The following ENPEP variants were observed in gnomAD, a reference collection of about 807,000 sequenced individuals.
The protein encoded by ENPEP is glutamyl aminopeptidase.
Under a neutral mutation model 114.5 loss-of-function variants are expected in ENPEP, and 103 were observed. That is an observed-to-expected ratio of 0.90 (90% CI 0.77 to 1.06). The LOEUF is 1.06. ENPEP is among the 50% of genes least tolerant of loss of function. The pLI is 0.00. For missense variants in ENPEP, 1,196 were observed against 1,161.3 expected, an observed-to-expected ratio of 1.03 and a Z score of -0.43; for synonymous variants, 420 against 422.0, an observed-to-expected ratio of 1.00 and a Z score of 0.06.
intron 3 of ENPEP, 41 bp downstream of exon 3, chr4:110,491,205 T>G: frequency 2.0e-6 from 3 of 1,536,046 alleles, no homozygotes; most frequent in Non-Finnish European, 2.6e-6. Context: ...ACCTATGCAT[T>G]TGTAATTAAT....
In ENPEP at chr4:110,560,550, T is replaced by G. The variant is rs188115375; in HGVS notation, c.2721+825T>G. On this transcript the variant is annotated intron_variant, in intron 19 of 19. Coordinates refer to ENST00000265162, the MANE Select transcript of ENPEP (RefSeq NM_001977.4). ...TAAACATAAAACAATTCAAAGAGCC[T>G]CTAAGAAAGTTTAAAAGCTGCAAAA... Among the ~76,000 whole-genome samples the G allele has an allele frequency of 2.0e-5, 3 of 152,176 alleles. No homozygotes were observed. The East Asian group carries it at 5.8e-4, about 29-fold the overall frequency.
rs1560547722 is a variant in ENPEP, at chr4:110,476,258, A to T, written c.-157A>T. On this transcript the variant is annotated 5_prime_UTR_variant, in exon 1 of 20. Coordinates refer to ENST00000265162, the MANE Select transcript of ENPEP (RefSeq NM_001977.4). ...GGCTGGTGGGAACGTGAAAAGGGAGAGGAAAAGGCGCAAGAAGCCAGAGAG... is the reference window on the plus strand; with the variant it reads ...GGCTGGTGGGAACGTGAAAAGGGAGTGGAAAAGGCGCAAGAAGCCAGAGAG... 1.2e-6 allele frequency: 1 copy of T among 838,428 alleles called. No individual in the cohort carries two copies. The highest frequency in any genetic ancestry group is 1.8e-6 in the Non-Finnish European group (1 of 571,158). 51.9% of individuals were successfully genotyped at this position (838,428 alleles called of 1,614,324 possible). A position where few individuals can be genotyped will look rare whatever the true frequency, so the allele number is the denominator to read the frequency against.
chr4:110,505,972 A>G (rs1194093850), intron 3 of ENPEP, among the ~76,000 whole-genome samples: 1 of 152,222 alleles, frequency 6.6e-6, no homozygotes, highest in East Asian at 1.9e-4. Context: ...TGTCATAAGG[A>G]CACAAAGTAG....
chr4:110,542,814 T>C lies in ENPEP; in HGVS notation c.1871T>C (p.Ile624Thr). The C allele has an allele frequency of 6.2e-7, 1 of 1,612,708 alleles. No individual in the cohort carries two copies. The highest frequency in any genetic ancestry group is 8.5e-7 in the Non-Finnish European group (1 of 1,178,908). The change falls in exon 12 of 20, where the codon ATT (isoleucine) becomes ACT (threonine). Residue 624 changes from isoleucine (I) to threonine (T), a missense_variant. By Grantham distance (89) the Ile-to-Thr change is moderately conservative. Transcript: ENST00000265162. ...NAFLKINPDH[I>T]GFYRVNYEVA... ...TTTCTCAAAATAAACCCAGATCATA[T>C]TGGGTTTTATCGTGTAAATTATGAA... is the stretch of plus-strand genomic sequence containing the variant.
At chr4:110,497,607 A>C (rs1724991055) in intron 3 of ENPEP, among the ~76,000 whole-genome samples, 1 of 152,192 alleles carries the variant, frequency 6.6e-6, no homozygotes, top group Non-Finnish European at 1.5e-5. Context: ...GCTTTGTGTA[A>C]CCTAATGGCC....
At chr4:110,527,563 A>C (rs115614494) in intron 10 of ENPEP, among the ~76,000 whole-genome samples, 117 of 152,300 alleles carry the variant, frequency 7.7e-4, no homozygotes, top group African/African-American at 2.8e-3. Flanking sequence ...CCTCTTCATG[A>C]TACATGAATT....
intron 8 of ENPEP, among the ~76,000 whole-genome samples, chr4:110,517,254 T>G (rs1461524855): frequency 6.6e-6 from 1 of 152,140 alleles, no homozygotes; most frequent in Non-Finnish European, 1.5e-5. Context: ...GTAAGCATCT[T>G]TAATCAGGGA....
At chr4:110,478,608 T>C (rs1399505203) in intron 1 of ENPEP, among the ~76,000 whole-genome samples, 1 of 152,206 alleles carries the variant, frequency 6.6e-6, no homozygotes, top group Non-Finnish European at 1.5e-5. Flanking sequence ...AAGAATCTGT[T>C]TTTTGTTCTT....
At chr4:110,481,592 A>G (rs1384786376) in intron 1 of ENPEP, among the ~76,000 whole-genome samples, 3 of 152,152 alleles carry the variant, frequency 2.0e-5, no homozygotes, top group African/African-American at 7.2e-5. Flanking sequence ...GCTGGGACAC[A>G]TTGCATTACC....
chr4:110,507,342 A>G (rs1048573180), intron 4 of ENPEP, among the ~76,000 whole-genome samples: 19 of 152,234 alleles, frequency 1.2e-4, no homozygotes, highest in African/African-American at 4.3e-4. Flanking sequence ...TGGTGTGCAT[A>G]TGACATTTCT....
At chr4:110,495,981 C>T (rs1349226962) in intron 3 of ENPEP, among the ~76,000 whole-genome samples, 1 of 152,112 alleles carries the variant, frequency 6.6e-6, no homozygotes, top group African/African-American at 2.4e-5. Flanking sequence ...AAGATATTAT[C>T]CATTTAATTA....
chr4:110,505,030 T>C (rs1184724135), intron 3 of ENPEP, among the ~76,000 whole-genome samples: 1 of 152,224 alleles, frequency 6.6e-6, no homozygotes, highest in Non-Finnish European at 1.5e-5. Flanking sequence ...ACAGATGTGA[T>C]AGAAAATCTG....
In ENPEP at chr4:110,549,712, C is replaced by T. The variant is rs745719960; in HGVS notation, c.2331-4C>T. 6.2e-7 allele frequency: 1 copy of T among 1,612,778 alleles called. No homozygotes were observed. The highest frequency in any genetic ancestry group is 1.1e-5 in the South Asian group (1 of 91,000). On this transcript the variant is annotated splice_region_variant and splice_polypyrimidine_tract_variant and intron_variant, in intron 16 of 19. Transcript: ENST00000265162. ...AATCTCTGAAACACTGTTTCTTCTT[C>T]TAGCCTTCCCGTAAATCTCAGGCTT...
At chr4:110,544,631 A>G (rs1283097622) in intron 13 of ENPEP, among the ~76,000 whole-genome samples, 1 of 152,162 alleles carries the variant, frequency 6.6e-6, no homozygotes, top group Non-Finnish European at 1.5e-5. Flanking sequence ...AGAATCATTT[A>G]GTTTTTATTT....
rs1341212261 is a variant in ENPEP at position 110,476,466 on chromosome 4, C to T, written c.52C>T (p.His18Tyr). The change falls in exon 1 of 20, where the codon CAT (histidine) becomes TAT (tyrosine). Residue 18 changes from histidine (H) to tyrosine (Y), a missense_variant. Physicochemically the swap from His to Tyr is moderately conservative, Grantham distance 83 (BLOSUM62 2). Coordinates refer to ENST00000265162, the MANE Select transcript of ENPEP (RefSeq NM_001977.4). ...GSKRYCIQTK[H>Y]VAILCAVVVG... ...TAAGAGATACTGCATTCAAACGAAA[C>T]ATGTGGCCATTCTCTGTGCGGTGGT... The T allele has an allele frequency of 6.4e-7, 1 of 1,553,906 alleles. No homozygotes were observed. Among genetic ancestry groups the T allele is most frequent in the East Asian group, 2.3e-5 (1 of 44,214 alleles).
intron 3 of ENPEP, among the ~76,000 whole-genome samples, chr4:110,498,458 T>C (rs1289174920): frequency 6.6e-6 from 1 of 152,012 alleles, no homozygotes; most frequent in Non-Finnish European, 1.5e-5. Context: ...TTATCATCTA[T>C]AAATATATAT....
chr4:110,549,461 G>T, intron 15 of ENPEP, 42 bp downstream of exon 15: 1 of 1,612,308 alleles, frequency 6.2e-7, no homozygotes, highest in Non-Finnish European at 8.5e-7. Context: ...TTTAACATTT[G>T]TTTTTTGTTT....
intron 13 of ENPEP, among the ~76,000 whole-genome samples, chr4:110,546,356 T>A (rs1456521365): frequency 6.6e-6 from 1 of 151,906 alleles, no homozygotes; most frequent in Non-Finnish European, 1.5e-5. Context: ...TTGTTGTTTT[T>A]TGTTTTCTGT....
chr4:110,531,983 T>C (rs1203731743), intron 11 of ENPEP, among the ~76,000 whole-genome samples: 1 of 152,192 alleles, frequency 6.6e-6, no homozygotes, highest in Non-Finnish European at 1.5e-5. Flanking sequence ...TGTGTCTTCT[T>C]GAAGATAAAA....
Sources: allele counts gnomAD v4.1 joint callset (sites outside exome capture counted in the v4.1 genomes callset), GRCh38; gene constraint gnomAD v4.1.1; transcripts MANE v1.5; gene names NCBI Gene and HGNC (gene_info 2026-07-23, HGNC 2026-07-21).